The following CXADR variants were observed in gnomAD, a reference collection of about 807,000 sequenced individuals.
The protein encoded by CXADR is coxsackievirus and adenovirus receptor.
CXADR carries 20 observed loss-of-function variants against 40.3 expected under a neutral mutation model. The ratio of observed to expected loss-of-function variants is 0.50; its 90% CI spans 0.35 to 0.72. The LOEUF is 0.72. Ranked by LOEUF, CXADR falls within the 30% of genes least tolerant of loss-of-function variation. The pLI is 0.01. For missense variants in CXADR, 332 were observed against 449.1 expected (o/e 0.74, Z 2.36); for synonymous variants, 150 against 161.3 (o/e 0.93, Z 0.53).
intron 1 of CXADR, among the ~76,000 whole-genome samples, chr21:17,537,566 G>A (rs1337141483): frequency 6.6e-6 from 1 of 151,934 alleles, no homozygotes; most frequent in East Asian, 1.9e-4. Flanking sequence ...ATTCTACAAT[G>A]AGTCATGATC....
chr21:17,534,019 T>TATATATAGATATATATATATATATACAC (rs1356079376), intron 1 of CXADR, among the ~76,000 whole-genome samples: 18 of 81,360 alleles, frequency 2.2e-4, no homozygotes, highest in South Asian at 4.9e-4. Context: ...TATATATATA[T>TATATATAGATATATATATATATATACAC]ATATATATAG....
At chr21:17,517,469 G>A (rs544332728) in intron 1 of CXADR, among the ~76,000 whole-genome samples, 5 of 152,284 alleles carry the variant, frequency 3.3e-5, no homozygotes, top group Admixed American at 2.0e-4. Context: ...TTCATAGAAT[G>A]CCCATTTGTG....
Position 17,565,730 on chromosome 21 carries a change from T to C in CXADR, c.*38T>C. Reference sequence around the variant, plus strand: ...TCTCATCTGTGCTCTCCGTGTTCCTTTCCTTTTTTTGATATATGAAAACCT... The same window carrying C: ...TCTCATCTGTGCTCTCCGTGTTCCTCTCCTTTTTTTGATATATGAAAACCT... On this transcript the variant is annotated 3_prime_UTR_variant, in exon 7 of 7. Transcript: ENST00000284878. 1 of 1,579,714 alleles carries C rather than the reference T, an allele frequency of 6.3e-7. No homozygotes were observed. Among genetic ancestry groups the C allele is most frequent in the East Asian group, 2.2e-5 (1 of 44,472 alleles).
At chr21:17,554,180 T>A (rs2061005095) in intron 3 of CXADR, among the ~76,000 whole-genome samples, 1 of 152,172 alleles carries the variant, frequency 6.6e-6, no homozygotes, top group African/African-American at 2.4e-5. Context: ...TTTGTGTGTT[T>A]GTGTATTGTC....
At chr21:17,625,002 A>T in the CXADR span, among the ~76,000 whole-genome samples, 1 of 152,024 alleles carries the variant, frequency 6.6e-6, no homozygotes, top group Non-Finnish European at 1.5e-5. Flanking sequence ...GACAGAATAT[A>T]TTTGTGTATC....
chr21:17,568,263 G>A lies in CXADR; in HGVS notation c.*2571G>A. ...CCTGCCTCAGCCTCCCGAGCAGCTG[G>A]GACTACAGGCTCCCATCACCACGCT... is the stretch of plus-strand genomic sequence containing the variant. On this transcript the variant is annotated 3_prime_UTR_variant, in exon 7 of 7. Coordinates refer to ENST00000284878, the MANE Select transcript of CXADR (RefSeq NM_001338.5). 1.2e-6 allele frequency: 1 copy of A among 828,634 alleles called. No homozygotes were observed. Among genetic ancestry groups the A allele is most frequent in the Non-Finnish European group, 1.5e-6 (1 of 687,946 alleles). The allele number at this position is 828,634 out of a possible 1,614,324, so 51.3% of individuals were successfully genotyped here. A position where few individuals can be genotyped will look rare whatever the true frequency, so the allele number is the denominator to read the frequency against.
intron 7 of CXADR, among the ~76,000 whole-genome samples, chr21:17,578,081 A>G (rs1050524376): frequency 2.0e-5 from 3 of 152,170 alleles, no homozygotes; most frequent in Non-Finnish European, 2.9e-5. Context: ...TTCAGTGAAC[A>G]TAGGAGTGCA....
At chr21:17,584,262 G>C (rs28594113) in intron 7 of CXADR, among the ~76,000 whole-genome samples, 10,548 of 152,276 alleles carry the variant, frequency 0.069, 424 homozygotes, top group Middle Eastern at 0.11. Flanking sequence ...AAAGCACCTA[G>C]TCCAGCGTTT....
At chr21:17,559,249 G>A (rs986457200) in intron 4 of CXADR, 118 bp downstream of exon 4, 22 of 1,066,834 alleles carry the variant, frequency 2.1e-5, no homozygotes, top group African/African-American at 1.6e-4. Flanking sequence ...CTGCAATCAC[G>A]GCTCACTGAA....
the CXADR span, among the ~76,000 whole-genome samples, chr21:17,624,253 C>A: frequency 6.6e-6 from 1 of 152,210 alleles, no homozygotes; most frequent in African/African-American, 2.4e-5. Context: ...TTTTCTATTA[C>A]TTCCACAACA....
chr21:17,520,201 C>T (rs2060513312), intron 1 of CXADR, among the ~76,000 whole-genome samples: 1 of 152,102 alleles, frequency 6.6e-6, no homozygotes, highest in Admixed American at 6.5e-5. Flanking sequence ...AGCCATGTGC[C>T]AGGTGCCCCT....
At chr21:17,522,538 C>T (rs1354153546) in intron 1 of CXADR, among the ~76,000 whole-genome samples, 1 of 152,176 alleles carries the variant, frequency 6.6e-6, no homozygotes, top group Non-Finnish European at 1.5e-5. Context: ...ATTCTTCCAT[C>T]CTTTGCAATC....
intron 2 of CXADR, 108 bp downstream of exon 2, chr21:17,547,301 C>T: frequency 6.8e-7 from 1 of 1,470,958 alleles, no homozygotes. Flanking sequence ...AGGAAGGAAG[C>T]CCCCCAACTT....
the CXADR span, among the ~76,000 whole-genome samples, chr21:17,631,847 G>A: frequency 6.6e-6 from 1 of 152,180 alleles, no homozygotes; most frequent in African/African-American, 2.4e-5. Flanking sequence ...ATTAAAGGAA[G>A]ATGAGGCTTA....
chr21:17,580,402 C>T (rs1465931656), intron 7 of CXADR, among the ~76,000 whole-genome samples: 1 of 152,114 alleles, frequency 6.6e-6, no homozygotes, highest in Admixed American at 6.5e-5. Flanking sequence ...GCAGATATCT[C>T]GAGCCCAGGA....
chr21:17,548,350 C>G (rs367692675), intron 2 of CXADR, among the ~76,000 whole-genome samples: 1 of 152,120 alleles, frequency 6.6e-6, no homozygotes, highest in African/African-American at 2.4e-5. Flanking sequence ...AGAGCCACCC[C>G]CTCCAAAGAT....
At chr21:17,570,167 T>A (rs1601041190), downstream of CXADR, 1 of 985,402 alleles carries the variant, frequency 1.0e-6, no homozygotes, top group East Asian at 1.1e-4. Flanking sequence ...TAATATTTTA[T>A]TCCTCCCTGC....
At chr21:17,633,615 TG>T in the CXADR span, among the ~76,000 whole-genome samples, 2 of 152,216 alleles carry the variant, frequency 1.3e-5, no homozygotes, top group African/African-American at 4.8e-5. Flanking sequence ...TCTATTCTTC[TG>T]AGGAATGGTG....
chr21:17,550,796 C>G (rs1211004052), intron 2 of CXADR, among the ~76,000 whole-genome samples: 1 of 152,172 alleles, frequency 6.6e-6, no homozygotes, highest in East Asian at 1.9e-4. Context: ...CCTTCAAAGG[C>G]TATGTGTGGT....
Sources: gnomAD v4.1 joint callset for allele counts (sites outside exome capture counted in the v4.1 genomes callset) on GRCh38, gnomAD v4.1.1 for gene constraint, MANE v1.5 for transcripts, NCBI Gene and HGNC (gene_info 2026-07-23, HGNC 2026-07-21) for gene names.